The following DST variants were observed in gnomAD, a reference collection of about 807,000 sequenced individuals.
The protein encoded by DST is dystonin.
A neutral mutation model predicts 875.2 loss-of-function variants in DST; 253 were observed. The observed-to-expected ratio is 0.29, with a 90% confidence interval of 0.26 to 0.32. DST has a LOEUF of 0.32. DST is among the 10% of genes least tolerant of loss of function. DST has a pLI of 1.00. For missense variants in DST, 8,287 were observed against 9,111.6 expected (o/e 0.91, Z 3.68); for synonymous variants, 3,124 against 3,197.1 (o/e 0.98, Z 0.77).
chr6:56,690,260 G>T (rs2099219015), intron 9 of DST, among the ~76,000 whole-genome samples: 1 of 152,100 alleles, frequency 6.6e-6, no homozygotes, highest in Non-Finnish European at 1.5e-5. Context: ...CTATTTCATA[G>T]AGTTGTTTGG....
intron 9 of DST, among the ~76,000 whole-genome samples, chr6:56,671,210 C>T (rs2099099573): frequency 6.6e-6 from 1 of 152,168 alleles, no homozygotes; most frequent in African/African-American, 2.4e-5. Context: ...TCTCTTTTTA[C>T]TAAACCAAAA....
intron 48 of DST, 45 bp from the exon 49 acceptor site, chr6:56,592,403 T>C: frequency 1.4e-6 from 2 of 1,419,286 alleles, no homozygotes; most frequent in Non-Finnish European, 1.9e-6. Flanking sequence ...AAACCCACTA[T>C]TTTCATATGC....
intron 4 of DST, among the ~76,000 whole-genome samples, chr6:56,846,586 C>T (rs1421620245): frequency 2.6e-5 from 4 of 152,092 alleles, no homozygotes; most frequent in African/African-American, 9.7e-5. Flanking sequence ...GTTTAAAAGC[C>T]CCTTTCCTTA....
At chr6:56,873,945 T>G (rs1778499574) in intron 3 of DST, among the ~76,000 whole-genome samples, 1 of 152,162 alleles carries the variant, frequency 6.6e-6, no homozygotes, top group Non-Finnish European at 1.5e-5. Flanking sequence ...TATGCTTGTA[T>G]CAAAGCACCA....
At chr6:56,779,584 G>A (rs1232456209) in intron 4 of DST, among the ~76,000 whole-genome samples, 3 of 151,914 alleles carry the variant, frequency 2.0e-5, no homozygotes, top group Admixed American at 6.6e-5. Context: ...AAGGGATCCA[G>A]TTTCAGCTTT....
intron 4 of DST, among the ~76,000 whole-genome samples, chr6:56,835,794 G>A (rs1335622891): frequency 6.6e-6 from 1 of 152,154 alleles, no homozygotes; most frequent in African/African-American, 2.4e-5. Flanking sequence ...ACAATAGTAT[G>A]TTTGTATAAT....
chr6:56,615,253 G>GCA, intron 36 of DST: 1 of 1,002,150 alleles, frequency 1.0e-6, no homozygotes, highest in Non-Finnish European at 1.3e-6. Context: ...CACATTCTAC[G>GCA]TAAAAAAAAA....
At chr6:56,627,370 T>C (rs992559773) in intron 33 of DST, 83 bp from the exon 34 acceptor site, 32 of 915,762 alleles carry the variant, frequency 3.5e-5, no homozygotes, top group African/African-American at 2.3e-4. Context: ...CTAAGACATA[T>C]CTACATCACT....
chr6:56,858,989 A>G (rs1371287091), intron 3 of DST, among the ~76,000 whole-genome samples: 3 of 152,210 alleles, frequency 2.0e-5, no homozygotes, highest in Non-Finnish European at 2.9e-5. Flanking sequence ...ACATGGTACT[A>G]AGTGCCCTAA....
chr6:56,704,690 G>A lies in DST; in HGVS notation c.688-321C>T, dbSNP rs2099326251. 2.0e-5 allele frequency among the ~76,000 whole-genome samples: 3 copies of A among 152,084 alleles called. No individual in the cohort carries two copies. The South Asian group carries it at 6.2e-4, about 32-fold the overall frequency. Reference sequence around the variant, plus strand: ...TGCCCTGACTTTATTCATGATTCCCGATACAGTGACCAGTGCCACCTTAAC... The same window carrying A: ...TGCCCTGACTTTATTCATGATTCCCAATACAGTGACCAGTGCCACCTTAAC... On this transcript the variant is annotated intron_variant, in intron 5 of 103. Transcript: ENST00000680361.
intron 58 of DST, among the ~76,000 whole-genome samples, chr6:56,557,987 T>C (rs756140179): frequency 6.6e-6 from 1 of 152,180 alleles, no homozygotes; most frequent in African/African-American, 2.4e-5. Flanking sequence ...AAAGTTCCCG[T>C]AGGAAGTCTC....
In DST at chr6:56,536,832, A is replaced by G. The variant is rs753566393; in HGVS notation, c.16717T>C (p.Leu5573=). Residue 5573 remains leucine, a synonymous_variant, in exon 62 of 104, where the codon TTG becomes CTG. Coordinates refer to ENST00000680361, the MANE Select transcript of DST (RefSeq NM_001374736.1). ...TTGACATCATCCAGGTCATGCTCCA[A>G]GCCCTGAGTGCTAGTGCTTTTGGCA... The part of the protein sequence containing the change: ...SAAKSTSTQG[L]EHDLDDVNAR... 5 of 1,611,750 alleles carry G rather than the reference A, an allele frequency of 3.1e-6. No homozygotes were observed. Among genetic ancestry groups the G allele is most frequent in the Non-Finnish European group, 4.2e-6 (5 of 1,178,776 alleles).
chr6:56,930,348 A>G (rs1251486810), intron 2 of DST, among the ~76,000 whole-genome samples: 1 of 152,154 alleles, frequency 6.6e-6, no homozygotes, highest in African/African-American at 2.4e-5. Flanking sequence ...AAACCCAGGC[A>G]TTTTTCCTAA....
chr6:56,621,811 TAG>T (rs2098692691), intron 36 of DST, among the ~76,000 whole-genome samples: 2 of 152,246 alleles, frequency 1.3e-5, no homozygotes, highest in Admixed American at 1.3e-4. Context: ...GAAATTATTT[TAG>T]ACAGATTTGT....
At chr6:56,709,684 A>G (rs1218782152) in intron 5 of DST, among the ~76,000 whole-genome samples, 3 of 152,190 alleles carry the variant, frequency 2.0e-5, no homozygotes, top group Non-Finnish European at 2.9e-5. Context: ...TTTAAGTTCT[A>G]TGGGTACAAA....
intron 5 of DST, among the ~76,000 whole-genome samples, chr6:56,715,006 T>C (rs1443236179): frequency 6.6e-6 from 1 of 152,214 alleles, no homozygotes; most frequent in African/African-American, 2.4e-5. Context: ...CTGTCTTTGG[T>C]CCTCACTGCA....
At chr6:56,534,545 T>C (rs144378025) in intron 63 of DST, among the ~76,000 whole-genome samples, 1 of 152,276 alleles carries the variant, frequency 6.6e-6, no homozygotes, top group East Asian at 1.9e-4. Context: ...GAATCAAATA[T>C]TTGTCTCTTT....
intron 49 of DST, among the ~76,000 whole-genome samples, chr6:56,582,225 G>C (rs1016761260): frequency 4.6e-5 from 7 of 152,046 alleles, no homozygotes; most frequent in Non-Finnish European, 7.4e-5. Context: ...ATTTGTCCCC[G>C]CCCAAATCTC....
At chr6:56,821,676 A>C (rs2099773204) in intron 4 of DST, among the ~76,000 whole-genome samples, 1 of 152,216 alleles carries the variant, frequency 6.6e-6, no homozygotes, top group African/African-American at 2.4e-5. Flanking sequence ...GTCACTACAA[A>C]AAGAATCTTT....
Sources: allele counts gnomAD v4.1 joint callset (sites outside exome capture counted in the v4.1 genomes callset), GRCh38; gene constraint gnomAD v4.1.1; transcripts MANE v1.5; gene names NCBI Gene and HGNC (gene_info 2026-07-23, HGNC 2026-07-21).